GTF2H3: variants seen among roughly 807,000 people sequenced by gnomAD.
GTF2H3 encodes the protein TFIIH basal transcription factor complex p34 subunit.
In GTF2H3, 42 loss-of-function variants were observed where a neutral mutation model predicts 51.1. The ratio of observed to expected loss-of-function variants is 0.82; its 90% CI spans 0.64 to 1.06. The LOEUF (loss-of-function observed/expected upper bound fraction) is 1.06, where lower values mean the gene tolerates loss of function less well. GTF2H3 is among the 50% of genes least tolerant of loss of function. The pLI, the probability that GTF2H3 is intolerant of heterozygous loss-of-function variation, is 0.00. For missense variants in GTF2H3, 326 were observed against 366.1 expected (o/e 0.89, Z 0.89); for synonymous variants, 123 against 123.8 (o/e 0.99, Z 0.04).
chr12:123,640,384 T>A (rs2135780714), intron 2 of GTF2H3, among the ~76,000 whole-genome samples: 1 of 149,076 alleles, frequency 6.7e-6, no homozygotes, highest in Non-Finnish European at 1.5e-5. Context: ...TTGCCCAGGC[T>A]AGAGTGCAAT....
rs758264498 is a variant in GTF2H3 at position 123,645,453 on chromosome 12, A to T, written c.94-2A>T. ...TTTCTAATGTCTTTTTTTTTCCAACAGTTCACTTTATCCAAATGCATAGAT... is the reference window on the plus strand; with the variant it reads ...TTTCTAATGTCTTTTTTTTTCCAACTGTTCACTTTATCCAAATGCATAGAT... On this transcript the variant is annotated splice_acceptor_variant, in intron 2 of 12. Coordinates refer to ENST00000543341, the MANE Select transcript of GTF2H3 (RefSeq NM_001516.5). LOFTEE classifies it high-confidence loss of function. The T allele has an allele frequency of 2.7e-6, 4 of 1,505,344 alleles. No homozygotes were observed. In the South Asian group the frequency reaches 3.4e-5, roughly 13 times the overall value. The allele number at this position is 1,505,344 out of a possible 1,614,324, so 93.2% of individuals were successfully genotyped here. A position where few individuals can be genotyped will look rare whatever the true frequency, so the allele number is the denominator to read the frequency against.
At chr12:123,647,180 A>T (rs11612927) in intron 3 of GTF2H3, among the ~76,000 whole-genome samples, 1 of 148,180 alleles carries the variant, frequency 6.7e-6, no homozygotes, top group Non-Finnish European at 1.5e-5. Context: ...AAAGTCACGA[A>T]GTCACGAGGC....
intron 5 of GTF2H3, among the ~76,000 whole-genome samples, chr12:123,651,333 C>T (rs558493386): frequency 4.8e-4 from 73 of 152,130 alleles, no homozygotes; most frequent in Non-Finnish European, 9.1e-4. Context: ...GCTTCAGCCT[C>T]CCAAGTAGCT....
At chr12:123,653,270 G>A (rs1340799737) in intron 7 of GTF2H3, among the ~76,000 whole-genome samples, 1 of 151,984 alleles carries the variant, frequency 6.6e-6, no homozygotes, top group Non-Finnish European at 1.5e-5. Context: ...GTTCTTGGAT[G>A]TCAGTTTTCC....
chr12:123,655,553 C>T (rs560187951), intron 8 of GTF2H3: 46 of 467,542 alleles, frequency 9.8e-5, no homozygotes, highest in Non-Finnish European at 1.3e-4. Context: ...GGAGACATGC[C>T]GAGTGGGGTG....
rs1955432921 is a variant in GTF2H3, at chr12:123,645,465, C to G, written c.104C>G (p.Ser35Cys). 2 of 1,579,314 alleles carry G rather than the reference C, an allele frequency of 1.3e-6. No homozygotes were observed. The highest frequency in any genetic ancestry group is 2.7e-5 in the African/African-American group (2 of 74,338). The part of the protein sequence containing the change: ...QALKESQFTL[S>C]KCIDAVMVLG... ...TTTTTTTTCCAACAGTTCACTTTATCCAAATGCATAGATGCCGTGATGGTG... is the reference window on the plus strand; with the variant it reads ...TTTTTTTTCCAACAGTTCACTTTATGCAAATGCATAGATGCCGTGATGGTG... Residue 35 changes from serine (S) to cysteine (C), a missense_variant, in exon 3 of 13, where the codon TCC (serine) becomes TGC (cysteine). Transcript: ENST00000543341.
intron 5 of GTF2H3, among the ~76,000 whole-genome samples, chr12:123,652,143 A>C (rs1955528439): frequency 6.6e-6 from 1 of 152,148 alleles, no homozygotes; most frequent in South Asian, 2.1e-4. Context: ...GTCTTATGGC[A>C]TTAATTTTTT....
Position 123,659,908 on chromosome 12 carries a change from T to C in GTF2H3, c.798T>C (p.Tyr266=), listed in dbSNP as rs758702247. The C allele has an allele frequency of 1.2e-6, 2 of 1,613,876 alleles. No individual in the cohort carries two copies. The highest frequency in any genetic ancestry group is 1.3e-5 in the African/African-American group (1 of 74,924). Residue 266 remains tyrosine (Y), a synonymous_variant, in exon 11 of 13, where the codon TAT becomes TAC. Coordinates refer to ENST00000543341, the MANE Select transcript of GTF2H3 (RefSeq NM_001516.5). ...FCHRNLIEIG[Y]VCSVCLSIFC... is the part of the protein sequence containing the mutation. ...ATCGAAATCTCATTGAAATTGGTTATGTCTGTTCTGTGTGTTTGTCAAGTA... is the reference window on the plus strand; with the variant it reads ...ATCGAAATCTCATTGAAATTGGTTACGTCTGTTCTGTGTGTTTGTCAAGTA...
chr12:123,653,552 G>A (rs1955545943), intron 7 of GTF2H3, among the ~76,000 whole-genome samples: 1 of 151,942 alleles, frequency 6.6e-6, no homozygotes, highest in African/African-American at 2.4e-5. Context: ...GGGAGGCTGA[G>A]GCAGGAGAAT....
intron 4 of GTF2H3, chr12:123,650,441 A>G (rs2340693): frequency 0.12 from 18,288 of 153,418 alleles, 2,850 homozygotes; most frequent in African/African-American, 0.36. Flanking sequence ...TATGCGTGAC[A>G]TTTTGTACCA....
intron 2 of GTF2H3, among the ~76,000 whole-genome samples, chr12:123,644,281 A>C (rs1356635033): frequency 6.6e-6 from 1 of 152,318 alleles, no homozygotes; most frequent in East Asian, 1.9e-4. Context: ...ACCAAAAAAA[A>C]AATACTGACT....
chr12:123,638,449 GC>G (rs1211612339), intron 1 of GTF2H3, among the ~76,000 whole-genome samples: 1 of 152,072 alleles, frequency 6.6e-6, no homozygotes, highest in Non-Finnish European at 1.5e-5. Flanking sequence ...GGGATCACAG[GC>G]ATGAGCCACC....
At chr12:123,645,301 C>T (rs1204779788) in intron 2 of GTF2H3, among the ~76,000 whole-genome samples, 154 bp from the exon 3 acceptor site, 3 of 152,198 alleles carry the variant, frequency 2.0e-5, no homozygotes, top group Non-Finnish European at 2.9e-5. Flanking sequence ...AACTCCTGAA[C>T]TCAAGCAGTC....
chr12:123,645,778 T>G (rs1283801348), intron 3 of GTF2H3, among the ~76,000 whole-genome samples: 2 of 152,212 alleles, frequency 1.3e-5, no homozygotes, highest in African/African-American at 4.8e-5. Flanking sequence ...CAATGGCCCA[T>G]GTAATTTGCA....
chr12:123,638,185 G>A (rs1012798019), intron 1 of GTF2H3, among the ~76,000 whole-genome samples: 2 of 151,172 alleles, frequency 1.3e-5, no homozygotes, highest in African/African-American at 4.9e-5. Flanking sequence ...CCGAGATGAA[G>A]TCTTGCTCTG....
At chr12:123,646,231 A>C (rs1474095439) in intron 3 of GTF2H3, among the ~76,000 whole-genome samples, 2 of 151,138 alleles carry the variant, frequency 1.3e-5, no homozygotes. Flanking sequence ...TTGAATTACC[A>C]TGTAAGACAC....
At chr12:123,648,284 C>A in intron 4 of GTF2H3, 158 bp downstream of exon 4, 1 of 538,476 alleles carries the variant, frequency 1.9e-6, no homozygotes, top group Non-Finnish European at 3.2e-6. Flanking sequence ...ATTTGCCTAG[C>A]CTCTACAGCA....
At chr12:123,655,074 C>T (rs1955570573) in intron 8 of GTF2H3, 76 bp downstream of exon 8, 1 of 1,045,364 alleles carries the variant, frequency 9.6e-7, no homozygotes, top group African/African-American at 1.6e-5. Flanking sequence ...ATGCTCTACT[C>T]TGAGGTATTC....
At chr12:123,637,925 A>T (rs957027726) in intron 1 of GTF2H3, among the ~76,000 whole-genome samples, 2 of 152,082 alleles carry the variant, frequency 1.3e-5, no homozygotes, top group Non-Finnish European at 2.9e-5. Context: ...TGGGATTCCT[A>T]CTACTAGTTA....
Sources: allele counts gnomAD v4.1 joint callset (sites outside exome capture counted in the v4.1 genomes callset), GRCh38; gene constraint gnomAD v4.1.1; transcripts MANE v1.5; gene names NCBI Gene and HGNC (gene_info 2026-07-23, HGNC 2026-07-21).